Variants in ZNF613 observed in about 807,000 individuals in gnomAD.
The protein encoded by ZNF613 is zinc finger protein 613.
ZNF613 carries 8 observed loss-of-function variants against 14.3 expected under a neutral mutation model. The ratio of observed to expected loss-of-function variants is 0.56; its 90% confidence interval spans 0.33 to 1.01. The LOEUF (loss-of-function observed/expected upper bound fraction) is 1.01, where lower values mean the gene tolerates loss of function less well. Ranked by LOEUF, ZNF613 falls within the 50% of genes least tolerant of loss-of-function variation. The pLI, the probability that ZNF613 is intolerant of heterozygous loss-of-function variation, is 0.03. For synonymous variants in ZNF613, 228 were observed against 254.5 expected (o/e 0.90, Z 0.99); for missense variants, 656 against 741.9 (o/e 0.88, Z 1.35).
At chr19:51,941,275 G>T (rs1182026965) in intron 5 of ZNF613, among the ~76,000 whole-genome samples, 1 of 152,084 alleles carries the variant, frequency 6.6e-6, no homozygotes, top group Non-Finnish European at 1.5e-5. Context: ...TTTTTCTCAA[G>T]GTTTCTTCCT....
At position 51,944,495 on chromosome 19, in the gene ZNF613, T is replaced by C; in HGVS notation, c.612T>C (p.His204=). 5 of 1,611,332 alleles carry C rather than the reference T, an allele frequency of 3.1e-6. No individual in the cohort carries two copies. Among genetic ancestry groups the C allele is most frequent in the Admixed American group, 1.7e-5 (1 of 59,878 alleles). The part of the protein sequence containing the change: ...HQRTQNIDKP[H]VCTECGKAFL... Reference sequence around the variant, plus strand: ...GAACTCAAAACATAGATAAACCCCATGTATGCACTGAGTGTGGGAAGGCTT... The same window carrying C: ...GAACTCAAAACATAGATAAACCCCACGTATGCACTGAGTGTGGGAAGGCTT... Residue 204 remains histidine, a synonymous_variant, in exon 6 of 6, where the codon CAT becomes CAC. Coordinates refer to ENST00000293471, the MANE Select transcript of ZNF613 (RefSeq NM_001031721.4).
Position 51,940,298 on chromosome 19 carries a change from C to T in ZNF613, c.105C>T (p.Asp35=), listed in dbSNP as rs766471007. ...LGPAQKDLYR[D]VMLENYSNLV... ...CTGCTCAGAAGGACCTGTACCGAGA[C>T]GTGATGTTGGAGAACTATAGCAACC... The change falls in exon 4 of 6, where the codon GAC becomes GAT. Residue 35 remains aspartate, a synonymous_variant. Transcript: ENST00000293471. The T allele has an allele frequency of 1.5e-5, 24 of 1,613,514 alleles. No homozygotes were observed. The highest frequency in any genetic ancestry group is 3.3e-4 in the Middle Eastern group (2 of 6,080).
chr19:51,940,099 G>C, intron 3 of ZNF613, 110 bp from the exon 4 acceptor site: 1 of 1,367,344 alleles, frequency 7.3e-7, no homozygotes, highest in Non-Finnish European at 1.0e-6. Flanking sequence ...ACAGCACCTA[G>C]ATATATAGAT....
intron 1 of ZNF613, among the ~76,000 whole-genome samples, chr19:51,928,850 C>T (rs116875358): frequency 0.021 from 2,542 of 119,428 alleles, 37 homozygotes; most frequent in Admixed American, 0.025. Context: ...TGAGACCCTG[C>T]CTCAAAAAAA....
rs1228190772 is a variant in ZNF613, at chr19:51,937,731, T to C, written c.15+1496T>C. On this transcript the variant is annotated intron_variant, in intron 3 of 5. Transcript: ENST00000293471. ...GACAGATGATGTCTTTTTTCTTTTT[T>C]TTTTTTTTTTTTTTTTGAGATAGAG... Among the ~76,000 whole-genome samples the C allele has an allele frequency of 2.3e-3, 264 of 116,606 alleles. 1 individual carries two copies. Among genetic ancestry groups the C allele is most frequent in the African/African-American group, 9.3e-3 (236 of 25,340 alleles). The allele number at this position is 116,606 out of a possible 152,430, so 76.5% of individuals were successfully genotyped here.
intron 2 of ZNF613, among the ~76,000 whole-genome samples, chr19:51,934,785 G>A (rs187990646): frequency 3.5e-4 from 54 of 152,320 alleles, no homozygotes; most frequent in Middle Eastern, 3.4e-3. Flanking sequence ...GGCTGTGGAA[G>A]CTCATGGGAA....
intron 3 of ZNF613, among the ~76,000 whole-genome samples, chr19:51,939,675 A>G (rs1411135836): frequency 1.3e-5 from 2 of 152,140 alleles, no homozygotes; most frequent in African/African-American, 4.8e-5. Flanking sequence ...GTAGGGGGTA[A>G]TAATACTTAA....
At chr19:51,942,933 A>C (rs1272296766) in intron 5 of ZNF613, 1 of 152,220 alleles carries the variant, frequency 6.6e-6, no homozygotes, top group Non-Finnish European at 1.5e-5. Flanking sequence ...TCCTGACCTC[A>C]TGATCCACGT....
chr19:51,930,238 T>C (rs1273758048), intron 2 of ZNF613, among the ~76,000 whole-genome samples: 39 of 152,306 alleles, frequency 2.6e-4, no homozygotes, highest in Non-Finnish European at 4.7e-4. Flanking sequence ...ATGTGATCTT[T>C]TGTGACTGGT....
intron 3 of ZNF613, 87 bp downstream of exon 3, chr19:51,936,322 T>C: frequency 2.2e-6 from 3 of 1,377,736 alleles, no homozygotes; most frequent in Non-Finnish European, 3.0e-6. Flanking sequence ...AGTCAAAAAG[T>C]ATAATTTGGT....
chr19:51,940,934 A>T (rs931839590), intron 5 of ZNF613, among the ~76,000 whole-genome samples: 1 of 151,430 alleles, frequency 6.6e-6, no homozygotes, highest in African/African-American at 2.4e-5. Flanking sequence ...ATTTTATTTT[A>T]TTTATTTATT....
intron 1 of ZNF613, 109 bp downstream of exon 1, chr19:51,927,649 G>C (rs535360862): frequency 1.3e-5 from 2 of 153,098 alleles, no homozygotes; most frequent in East Asian, 3.9e-4. Context: ...AGTGGGAGTC[G>C]GGGTATTGGG....
At chr19:51,942,113 T>C (rs1454352898) in intron 5 of ZNF613, among the ~76,000 whole-genome samples, 2 of 152,248 alleles carry the variant, frequency 1.3e-5, no homozygotes, top group East Asian at 3.8e-4. Flanking sequence ...TATGGTATCA[T>C]CTTGCCTACA....
intron 2 of ZNF613, among the ~76,000 whole-genome samples, chr19:51,935,385 A>G (rs757186865): frequency 2.6e-5 from 4 of 152,220 alleles, no homozygotes; most frequent in South Asian, 2.1e-4. Context: ...ATGCAGTCCA[A>G]AGGTATTCAG....
chr19:51,944,885 C>A lies in ZNF613; in HGVS notation c.1002C>A (p.His334Gln), dbSNP rs755504615. 6.2e-7 allele frequency: 1 copy of A among 1,613,444 alleles called. No homozygotes were observed. The highest frequency in any genetic ancestry group is 8.5e-7 in the Non-Finnish European group (1 of 1,179,934). Reference protein sequence around the residue: ...AFSKRSRLTEHQRTHTGEKPY... With the variant: ...AFSKRSRLTEQQRTHTGEKPY... ...CCAAAAGGTCCAGGCTCACTGAACA[C>A]CAGAGAACTCATACAGGAGAGAAAC... The change falls in exon 6 of 6, where the codon CAC (histidine) becomes CAA (glutamine). Residue 334 changes from histidine (H) to glutamine (Q), a missense_variant. His to Gln is a conservative substitution (Grantham distance 24). Coordinates refer to ENST00000293471, the MANE Select transcript of ZNF613 (RefSeq NM_001031721.4).
At chr19:51,928,853 C>CA (rs58085445) in intron 1 of ZNF613, among the ~76,000 whole-genome samples, 7,181 of 96,622 alleles carry the variant, frequency 0.074, 209 homozygotes, top group Non-Finnish European at 0.084. Flanking sequence ...GACCCTGCCT[C>CA]AAAAAAAAAA....
At position 51,940,265 on chromosome 19, in the gene ZNF613, C is replaced by T. The variant is rs769216106; in HGVS notation, c.72C>T (p.Leu24=). 3.7e-6 allele frequency: 6 copies of T among 1,613,678 alleles called. No homozygotes were observed. The highest frequency in any genetic ancestry group is 5.1e-6 in the Non-Finnish European group (6 of 1,179,882). Reference sequence around the variant, plus strand: ...AGTTCACTTGGGAGGAGTGGCAGCTCCTCGGCCCTGCTCAGAAGGACCTGT... The same window carrying T: ...AGTTCACTTGGGAGGAGTGGCAGCTTCTCGGCCCTGCTCAGAAGGACCTGT... The part of the protein sequence containing the change: ...AVEFTWEEWQ[L]LGPAQKDLYR... Residue 24 remains leucine, a synonymous_variant, in exon 4 of 6, where the codon CTC becomes CTT. Transcript: ENST00000293471.
intron 3 of ZNF613, among the ~76,000 whole-genome samples, chr19:51,937,110 G>T (rs1028498898): frequency 2.6e-5 from 4 of 152,192 alleles, no homozygotes; most frequent in African/African-American, 9.7e-5. Flanking sequence ...GCCCTGTGCA[G>T]CTTTTCCATT....
rs2122828224 is a variant in ZNF613, at chr19:51,944,996, A to T, written c.1113A>T (p.Ser371=). 1 of 1,614,110 alleles carries T rather than the reference A, an allele frequency of 6.2e-7. No individual in the cohort carries two copies. The highest frequency in any genetic ancestry group is 1.1e-5 in the South Asian group (1 of 91,080). ...AGAAAGCTCACACAGGAGAGAAGTC[A>T]TATATATGCCGTGATTGTGGAAAAG... ...AHQKAHTGEK[S]YICRDCGKGF... The change falls in exon 6 of 6, where the codon TCA becomes TCT. Residue 371 remains serine (S), a synonymous_variant. Coordinates refer to ENST00000293471, the MANE Select transcript of ZNF613 (RefSeq NM_001031721.4).
Sources: gnomAD v4.1 joint callset for allele counts (sites outside exome capture counted in the v4.1 genomes callset) on GRCh38, gnomAD v4.1.1 for gene constraint, MANE v1.5 for transcripts, NCBI Gene and HGNC (gene_info 2026-07-23, HGNC 2026-07-21) for gene names.